CARF: variants seen among roughly 807,000 people sequenced by gnomAD.
CARF encodes calcium responsive transcription factor.
A neutral mutation model predicts 82.0 loss-of-function variants in CARF; 57 were observed. That is an observed-to-expected ratio of 0.70 (90% CI 0.56 to 0.87). CARF has a LOEUF of 0.87. Ranked by LOEUF, CARF falls within the 40% of genes least tolerant of loss-of-function variation. The probability of loss-of-function intolerance (pLI) is 0.00; values close to 1 mark genes in which losing one functional copy is unlikely to be tolerated. For missense variants in CARF, 771 were observed against 855.8 expected (o/e 0.90, Z 1.24); for synonymous variants, 268 against 290.1 (o/e 0.92, Z 0.77).
In CARF at chr2:202,987,232, A is replaced by G. The variant is rs2060479705; in HGVS notation, c.*3608A>G. 6.6e-6 allele frequency among the ~76,000 whole-genome samples: 1 copy of G among 151,478 alleles called. No individual in the cohort carries two copies. The highest frequency in any genetic ancestry group is 1.9e-4 in the East Asian group (1 of 5,140). ...CAATGTGTGTAATAAGTAATTCTCCACGCCCACCCACCCCCAGCCCCCCGA... is the reference window on the plus strand; with the variant it reads ...CAATGTGTGTAATAAGTAATTCTCCGCGCCCACCCACCCCCAGCCCCCCGA... On this transcript the variant is annotated 3_prime_UTR_variant, in exon 17 of 17. Coordinates refer to ENST00000438828, the MANE Select transcript of CARF (RefSeq NM_024744.17).
chr2:202,928,048 G>C (rs1692191080), intron 3 of CARF, among the ~76,000 whole-genome samples: 1 of 152,096 alleles, frequency 6.6e-6, no homozygotes, highest in East Asian at 1.9e-4. Context: ...CTCCCAAAAT[G>C]CTAGGATTAC....
intron 5 of CARF, among the ~76,000 whole-genome samples, chr2:202,949,401 T>C (rs1430092468): frequency 4.0e-5 from 6 of 151,746 alleles, no homozygotes; most frequent in African/African-American, 1.2e-4. Context: ...TGCAGTGGCA[T>C]GATCATAGCC....
intron 1 of CARF, among the ~76,000 whole-genome samples, chr2:202,914,195 T>C (rs1254619267): frequency 6.6e-6 from 1 of 152,224 alleles, no homozygotes; most frequent in Non-Finnish European, 1.5e-5. Context: ...GTATTTACTA[T>C]ATGGTCCTCA....
rs1015138123 is a variant in CARF at position 202,983,692 on chromosome 2, A to T, written c.*68A>T. 4.2e-6 allele frequency: 4 copies of T among 955,052 alleles called. No homozygotes were observed. Among genetic ancestry groups the T allele is most frequent in the Non-Finnish European group, 5.0e-6 (3 of 604,416 alleles). 59.2% of individuals were successfully genotyped at this position (955,052 alleles called of 1,614,324 possible). ...ATGTCTTAGAAAGGAAGGTGAATATAGTCAAAGCGTGGCATTGAGATAATT... is the reference window on the plus strand; with the variant it reads ...ATGTCTTAGAAAGGAAGGTGAATATTGTCAAAGCGTGGCATTGAGATAATT... On this transcript the variant is annotated 3_prime_UTR_variant, in exon 17 of 17. Coordinates refer to ENST00000438828, the MANE Select transcript of CARF (RefSeq NM_024744.17).
chr2:202,925,260 A>G, intron 3 of CARF: 1 of 362,484 alleles, frequency 2.8e-6, no homozygotes. Context: ...TGAACAAGGT[A>G]GAGCTGGAAT....
Position 202,927,299 on chromosome 2 carries a change from G to T in CARF, c.-44+2884G>T, listed in dbSNP as rs1053296488. On this transcript the variant is annotated intron_variant, in intron 3 of 16. Coordinates refer to ENST00000438828, the MANE Select transcript of CARF (RefSeq NM_024744.17). ...TTCTTAGTTTCTGGCTTTTCAAAATGGACACATAGTTCATTAATTCAGTCT... is the reference window on the plus strand; with the variant it reads ...TTCTTAGTTTCTGGCTTTTCAAAATTGACACATAGTTCATTAATTCAGTCT... Among the ~76,000 whole-genome samples, 7 of 151,456 alleles carry T rather than the reference G, an allele frequency of 4.6e-5. No individual in the cohort carries two copies. The East Asian group carries it at 1.4e-3, about 29-fold the overall frequency.
chr2:202,967,048 T>G lies in CARF; in HGVS notation c.903T>G (p.Ser301Arg), dbSNP rs1462719468. The change falls in exon 10 of 17, where the codon AGT (serine) becomes AGG (arginine). Residue 301 changes from serine to arginine, a missense_variant. Transcript: ENST00000438828. ...AAGGTTTCCAGTTAAAAAAAGTCAG[T>G]GAGCAGGAAAGCAGGTCTTGTCAGC... ...RRKGFQLKKV[S>R]EQESRSCQLY... 4 of 1,614,116 alleles carry G rather than the reference T, an allele frequency of 2.5e-6. No homozygotes were observed. In the South Asian group the frequency reaches 3.3e-5, roughly 13 times the overall value.
chr2:202,983,378 ATT>A, intron 16 of CARF, 126 bp from the exon 17 acceptor site: 1 of 622,646 alleles, frequency 1.6e-6, no homozygotes, highest in Admixed American at 3.1e-5. Flanking sequence ...GTGGGAAAAG[ATT>A]TGCAGTTTGC....
chr2:202,930,968 C>CTTTTCTT (rs1437479316), intron 3 of CARF, among the ~76,000 whole-genome samples: 2 of 103,216 alleles, frequency 1.9e-5, no homozygotes, highest in African/African-American at 7.5e-5. Context: ...TTTTTCTTTT[C>CTTTTCTT]TTTTTTTTTT....
At chr2:202,953,979 A>C in intron 6 of CARF, 26 bp from the exon 7 acceptor site, 2 of 1,580,644 alleles carry the variant, frequency 1.3e-6, no homozygotes, top group Non-Finnish European at 1.7e-6. Context: ...TATTGATGTT[A>C]CTTTGTTCTT....
chr2:202,983,451 C>T, intron 16 of CARF, 55 bp from the exon 17 acceptor site: 1 of 1,101,778 alleles, frequency 9.1e-7, no homozygotes, highest in South Asian at 1.4e-5. Context: ...TTTCCCCTCT[C>T]TTCCAGTGTC....
chr2:202,982,973 C>T (rs1003265828), intron 16 of CARF, among the ~76,000 whole-genome samples: 1 of 152,142 alleles, frequency 6.6e-6, no homozygotes, highest in Non-Finnish European at 1.5e-5. Flanking sequence ...GCAGCCTTGA[C>T]CTCCTTGGTT....
chr2:202,973,481 G>T, intron 12 of CARF: 1 of 432,354 alleles, frequency 2.3e-6, no homozygotes, highest in East Asian at 7.3e-5. Flanking sequence ...TAAAATTCAA[G>T]CCCATCATAT....
rs1366959804 is a variant in CARF, at chr2:202,988,262, A to G, written c.*4638A>G. On this transcript the variant is annotated 3_prime_UTR_variant, in exon 17 of 17. Coordinates refer to ENST00000438828, the MANE Select transcript of CARF (RefSeq NM_024744.17). ...AAAGTTTCCATGAACATCTATGTAC[A>G]AGTCTTTGTACAGACTTATGCTTTC... Among the ~76,000 whole-genome samples the G allele has an allele frequency of 6.6e-6, 1 of 152,238 alleles. No homozygotes were observed. Among genetic ancestry groups the G allele is most frequent in the African/African-American group, 2.4e-5 (1 of 41,458 alleles).
intron 7 of CARF, among the ~76,000 whole-genome samples, chr2:202,954,413 C>G (rs1195119260): frequency 6.6e-6 from 1 of 152,012 alleles, no homozygotes; most frequent in Non-Finnish European, 1.5e-5. Context: ...ACAGACTTTT[C>G]AGAATAAAGA....
chr2:202,945,671 C>T (rs760478219), intron 5 of CARF, among the ~76,000 whole-genome samples: 23 of 152,130 alleles, frequency 1.5e-4, no homozygotes, highest in East Asian at 5.8e-4. Context: ...CATAGTATTC[C>T]GTGGTGTATA....
At chr2:202,945,004 A>G (rs573736957) in intron 5 of CARF, among the ~76,000 whole-genome samples, 1 of 152,344 alleles carries the variant, frequency 6.6e-6, no homozygotes, top group African/African-American at 2.4e-5. Context: ...GTTATTTGAA[A>G]CCATGAAATA....
intron 2 of CARF, among the ~76,000 whole-genome samples, 194 bp downstream of exon 2, chr2:202,918,237 A>C: frequency 6.6e-6 from 1 of 152,054 alleles, no homozygotes; most frequent in East Asian, 1.9e-4. Context: ...TTACTTTGAC[A>C]GGGCCAGGCG....
chr2:202,930,805 C>T (rs1692749791), intron 3 of CARF, among the ~76,000 whole-genome samples: 1 of 151,978 alleles, frequency 6.6e-6, no homozygotes, highest in Non-Finnish European at 1.5e-5. Context: ...TTTCTTTAGC[C>T]TCTACCATCC....
Sources: allele counts gnomAD v4.1 joint callset (sites outside exome capture counted in the v4.1 genomes callset), GRCh38; gene constraint gnomAD v4.1.1; transcripts MANE v1.5; gene names NCBI Gene and HGNC (gene_info 2026-07-23, HGNC 2026-07-21).